The following FAR2 variants were observed in gnomAD, a reference collection of about 807,000 sequenced individuals.
FAR2 encodes the protein epididymis secretory protein Li 81.
FAR2 carries 19 observed loss-of-function variants against 56.0 expected under a neutral mutation model. The ratio of observed to expected loss-of-function variants is 0.34; its 90% CI spans 0.24 to 0.50. The LOEUF is 0.50. Among genes scored for constraint, FAR2 ranks in the 20% least tolerant of loss-of-function variants. FAR2 has a pLI of 0.98. For missense variants in FAR2, 508 were observed against 642.2 expected (o/e 0.79, Z 2.26); for synonymous variants, 219 against 218.8 (o/e 1.00, Z -0.01).
intron 2 of FAR2, among the ~76,000 whole-genome samples, chr12:29,286,794 G>A (rs571678949): frequency 9.9e-5 from 15 of 152,068 alleles, no homozygotes; most frequent in Middle Eastern, 6.8e-3. Flanking sequence ...CACAGAATAC[G>A]ATTTTAAGTG....
intron 1 of FAR2, among the ~76,000 whole-genome samples, chr12:29,241,828 TG>T (rs1231377701): frequency 3.3e-5 from 5 of 152,368 alleles, no homozygotes; most frequent in East Asian, 1.9e-4. Context: ...GCACCTCAGA[TG>T]CTCCAGGGAA....
chr12:29,302,788 G>A (rs1037641982), intron 4 of FAR2, among the ~76,000 whole-genome samples: 2 of 152,084 alleles, frequency 1.3e-5, no homozygotes, highest in African/African-American at 4.8e-5. Context: ...GATTAGCATA[G>A]GGAGTAGACG....
chr12:29,258,667 G>A (rs1948367907), intron 1 of FAR2, among the ~76,000 whole-genome samples: 1 of 152,112 alleles, frequency 6.6e-6, no homozygotes, highest in South Asian at 2.1e-4. Context: ...AAAGCCAACA[G>A]AATTATCTGA....
At chr12:29,231,482 C>T (rs1947857257) in intron 1 of FAR2, among the ~76,000 whole-genome samples, 1 of 152,092 alleles carries the variant, frequency 6.6e-6, no homozygotes, top group Non-Finnish European at 1.5e-5. Context: ...GTAGAAATGT[C>T]AATAAGCAAT....
rs542163858 is a variant in FAR2, at chr12:29,221,522, T to C, written c.-38-48890T>C. Among the ~76,000 whole-genome samples, 28 of 152,326 alleles carry C rather than the reference T, an allele frequency of 1.8e-4. 2 individuals are homozygous for C. In the South Asian group the frequency reaches 5.8e-3, roughly 32 times the overall value. On this transcript the variant is annotated intron_variant, in intron 1 of 11. Coordinates refer to ENST00000536681, the MANE Select transcript of FAR2 (RefSeq NM_001271783.2). ...AAATATCATAACTATTAATTCCTTCTAGTACACACATATTCAGACTGAATG... is the reference window on the plus strand; with the variant it reads ...AAATATCATAACTATTAATTCCTTCCAGTACACACATATTCAGACTGAATG...
intron 8 of FAR2, among the ~76,000 whole-genome samples, chr12:29,312,315 A>G (rs988691611): frequency 2.6e-5 from 4 of 152,282 alleles, no homozygotes; most frequent in African/African-American, 9.6e-5. Context: ...CCTTCTTGAT[A>G]TGTCACTGAG....
chr12:29,305,462 A>G (rs1949240440), intron 4 of FAR2, among the ~76,000 whole-genome samples: 1 of 152,170 alleles, frequency 6.6e-6, no homozygotes, highest in Non-Finnish European at 1.5e-5. Context: ...AAAACTAACT[A>G]TTACCTACAA....
At chr12:29,273,755 T>C (rs1375548486) in intron 2 of FAR2, among the ~76,000 whole-genome samples, 1 of 152,240 alleles carries the variant, frequency 6.6e-6, no homozygotes, top group Non-Finnish European at 1.5e-5. Context: ...TTTCTCAGGT[T>C]GGGATGGTAG....
intron 1 of FAR2, among the ~76,000 whole-genome samples, chr12:29,218,303 G>A (rs1158043147): frequency 1.3e-5 from 2 of 151,248 alleles, no homozygotes; most frequent in Non-Finnish European, 2.9e-5. Flanking sequence ...AGCTTGCAGT[G>A]AGCCGAGATC....
rs1187626343 is a variant in FAR2 at position 29,335,218 on chromosome 12, C to G, written c.*1424C>G. ...GGCACATCGTGGTAGTTTAAGTGTA[C>G]AAGGCCTTAGGGCAGTATCTAGCCC... On this transcript the variant is annotated 3_prime_UTR_variant, in exon 12 of 12. Transcript: ENST00000536681. 1.3e-5 allele frequency: 2 copies of G among 152,118 alleles called. No individual in the cohort carries two copies. The highest frequency in any genetic ancestry group is 4.8e-5 in the African/African-American group (2 of 41,428). The allele number at this position is 152,118 out of a possible 1,614,324, so 9.4% of individuals were successfully genotyped here.
At chr12:29,305,974 T>C (rs1425023561) in intron 4 of FAR2, among the ~76,000 whole-genome samples, 1 of 151,616 alleles carries the variant, frequency 6.6e-6, no homozygotes, top group Admixed American at 6.6e-5. Context: ...TGGGCTCTGA[T>C]GTTTCCTAGG....
intron 2 of FAR2, among the ~76,000 whole-genome samples, chr12:29,270,928 C>A (rs1488162922): frequency 6.6e-6 from 1 of 152,202 alleles, no homozygotes; most frequent in East Asian, 1.9e-4. Flanking sequence ...GCCTTAATAT[C>A]TGCTGCAAGT....
intron 1 of FAR2, among the ~76,000 whole-genome samples, chr12:29,192,434 G>A (rs896907834): frequency 7.2e-5 from 11 of 152,170 alleles, no homozygotes; most frequent in African/African-American, 2.7e-4. Flanking sequence ...CACCTCCTGT[G>A]TCCTGGGCAC....
intron 1 of FAR2, among the ~76,000 whole-genome samples, chr12:29,268,575 T>A (rs1948558853): frequency 6.6e-6 from 1 of 152,156 alleles, no homozygotes; most frequent in African/African-American, 2.4e-5. Context: ...TGGCCTCCCT[T>A]TTCAGCCTCC....
intron 2 of FAR2, among the ~76,000 whole-genome samples, chr12:29,273,324 A>G (rs886624243): frequency 3.9e-5 from 6 of 152,062 alleles, no homozygotes; most frequent in Non-Finnish European, 7.4e-5. Flanking sequence ...TTCTGTTCCT[A>G]AGCCTCTGGC....
intron 4 of FAR2, 59 bp downstream of exon 4, chr12:29,297,259 T>G (rs1390345562): frequency 6.8e-7 from 1 of 1,466,934 alleles, no homozygotes; most frequent in Non-Finnish European, 9.3e-7. Context: ...TTGTTCTCTT[T>G]GATTCTTTGT....
At chr12:29,267,172 C>G (rs1948531245) in intron 1 of FAR2, among the ~76,000 whole-genome samples, 1 of 152,070 alleles carries the variant, frequency 6.6e-6, no homozygotes, top group Admixed American at 6.6e-5. Context: ...GTTAAATTGT[C>G]TCCTTTTATT....
At chr12:29,177,587 C>A (rs1325337565) in intron 1 of FAR2, among the ~76,000 whole-genome samples, 1 of 151,924 alleles carries the variant, frequency 6.6e-6, no homozygotes, top group East Asian at 1.9e-4. Flanking sequence ...AAGGTACTTG[C>A]AAATGATAAA....
chr12:29,297,324 G>A (rs1369600769), intron 4 of FAR2, 124 bp downstream of exon 4: 20 of 890,382 alleles, frequency 2.2e-5, no homozygotes, highest in Admixed American at 8.4e-5. Context: ...GTTTTGAAAC[G>A]GTGCTAGCCT....
Sources: allele counts gnomAD v4.1 joint callset (sites outside exome capture counted in the v4.1 genomes callset), GRCh38; gene constraint gnomAD v4.1.1; transcripts MANE v1.5; gene names NCBI Gene and HGNC (gene_info 2026-07-23, HGNC 2026-07-21).